PLEKHA6: variants seen among roughly 807,000 people sequenced by gnomAD.
The protein encoded by PLEKHA6 is pleckstrin homology domain-containing family A member 6.
A neutral mutation model predicts 116.7 loss-of-function variants in PLEKHA6; 60 were observed. That is an observed-to-expected ratio of 0.51 (90% CI 0.42 to 0.64). The LOEUF is 0.64. Among genes scored for constraint, PLEKHA6 ranks in the 30% least tolerant of loss-of-function variants. PLEKHA6 has a pLI of 0.00. For synonymous variants in PLEKHA6, 489 were observed against 556.1 expected, an observed-to-expected ratio of 0.88 and a Z score of 1.70; for missense variants, 1,338 against 1,422.7, an observed-to-expected ratio of 0.94 and a Z score of 0.96.
intron 1 of PLEKHA6, among the ~76,000 whole-genome samples, chr1:204,287,588 G>A (rs1197538168): frequency 1.3e-5 from 2 of 152,124 alleles, no homozygotes; most frequent in Admixed American, 6.5e-5. Context: ...CCCCCGCCAG[G>A]TTCTGTCTTA....
intron 1 of PLEKHA6, among the ~76,000 whole-genome samples, chr1:204,337,278 G>A (rs182807064): frequency 5.5e-4 from 84 of 152,272 alleles, no homozygotes; most frequent in African/African-American, 2.0e-3. Context: ...TCAGGCCAGA[G>A]AATGAGGAGA....
chr1:204,246,861 C>A (rs914854752), intron 13 of PLEKHA6, among the ~76,000 whole-genome samples: 3 of 152,228 alleles, frequency 2.0e-5, no homozygotes, highest in African/African-American at 7.2e-5. Flanking sequence ...TCCTGCTGGG[C>A]ACAGTGGCTC....
chr1:204,327,373 T>C (rs1005128708), intron 1 of PLEKHA6, among the ~76,000 whole-genome samples: 4 of 152,170 alleles, frequency 2.6e-5, no homozygotes, highest in Admixed American at 6.5e-5. Context: ...GGGTGTCTTG[T>C]GTCTCTAGTG....
In PLEKHA6 at chr1:204,257,723, G is replaced by A. The variant is rs138411516; in HGVS notation, c.1154C>T (p.Pro385Leu). ...GCGCTTGTCCTCCAGGGCCCAGGGC[G>A]GGCTGATCCGATCATAGGCCGGCAT... ...CSMPAYDRIS[P>L]PWALEDKRHA... The change falls in exon 9 of 23, where the codon CCG (proline) becomes CTG (leucine). Residue 385 changes from proline to leucine, a missense_variant. Physicochemically the swap from Pro to Leu is moderately conservative, Grantham distance 98. Coordinates refer to ENST00000272203, the MANE Select transcript of PLEKHA6 (RefSeq NM_014935.5). The surrounding 1 kb of genome is among the most constrained non-coding windows in gnomAD (Gnocchi z 6.5). 2.2e-4 allele frequency: 351 copies of A among 1,612,924 alleles called. 1 individual carries two copies. The highest frequency in any genetic ancestry group is 7.9e-5 in the Non-Finnish European group (93 of 1,179,628).
intron 1 of PLEKHA6, among the ~76,000 whole-genome samples, chr1:204,276,449 A>G (rs1290016415): frequency 6.6e-6 from 1 of 152,022 alleles, no homozygotes; most frequent in African/African-American, 2.4e-5. Flanking sequence ...CTGCCCCTAA[A>G]TCTGTCCCAT....
Position 204,295,263 on chromosome 1 carries a change from G to A in PLEKHA6, c.-94-20454C>T, listed in dbSNP as rs546675489. 1.1e-3 allele frequency among the ~76,000 whole-genome samples: 160 copies of A among 152,280 alleles called. 2 individuals carry two copies. Among genetic ancestry groups the A allele is most frequent in the Non-Finnish European group, 2.0e-3 (134 of 68,020 alleles). ...CCAGCACTTTGGGAGGCCAAGGTGG[G>A]TGGATTTCCTGAGGTCTGGAGTTCA... On this transcript the variant is annotated intron_variant, in intron 1 of 22. Coordinates refer to ENST00000272203, the MANE Select transcript of PLEKHA6 (RefSeq NM_014935.5).
At chr1:204,326,733 C>A (rs1307670415) in intron 1 of PLEKHA6, among the ~76,000 whole-genome samples, 2 of 152,180 alleles carry the variant, frequency 1.3e-5, no homozygotes, top group Non-Finnish European at 2.9e-5. Flanking sequence ...TGTAATCAAA[C>A]CCCTTTCCTT....
At chr1:204,335,304 G>C (rs188360215) in intron 1 of PLEKHA6, among the ~76,000 whole-genome samples, 1 of 152,062 alleles carries the variant, frequency 6.6e-6, no homozygotes, top group Non-Finnish European at 1.5e-5. Context: ...GGGCAGGGGG[G>C]TGTTTAGCTT....
At chr1:204,254,883 G>A (rs1343662544) in intron 9 of PLEKHA6, among the ~76,000 whole-genome samples, 1 of 152,122 alleles carries the variant, frequency 6.6e-6, no homozygotes, top group African/African-American at 2.4e-5. Context: ...TAAATACCCA[G>A]CATATTGACC....
intron 1 of PLEKHA6, among the ~76,000 whole-genome samples, chr1:204,357,014 T>C (rs1425964420): frequency 1.3e-5 from 2 of 152,218 alleles, no homozygotes; most frequent in African/African-American, 2.4e-5. Context: ...ATAGAAATGA[T>C]CATGTAAAAT....
chr1:204,282,247 G>A (rs1668704846), intron 1 of PLEKHA6, among the ~76,000 whole-genome samples: 1 of 152,182 alleles, frequency 6.6e-6, no homozygotes, highest in Non-Finnish European at 1.5e-5. Context: ...GCACGTGTGT[G>A]TGCATGAGAG....
At chr1:204,264,714 C>G (rs1315828085) in intron 6 of PLEKHA6, among the ~76,000 whole-genome samples, 1 of 152,190 alleles carries the variant, frequency 6.6e-6, no homozygotes, top group African/African-American at 2.4e-5. Context: ...CACCCAACCC[C>G]CAAGAGAGGA....
At position 204,257,320 on chromosome 1, in the gene PLEKHA6, G is replaced by A; in HGVS notation, c.1524+33C>T. 2 of 1,545,674 alleles carry A rather than the reference G, an allele frequency of 1.3e-6. 1 individual carries two copies. The highest frequency in any genetic ancestry group is 1.8e-6 in the Non-Finnish European group (2 of 1,141,128). ...GTCTTAGGCTTCTGGGGACCTCAGG[G>A]GATGAGGAAGGAAGGGCAGGCTGGT... On this transcript the variant is annotated intron_variant, in intron 9 of 22. Transcript: ENST00000272203. The surrounding 1 kb of genome is among the most constrained non-coding windows in gnomAD (Gnocchi z 6.5).
In PLEKHA6 at chr1:204,227,448, T is replaced by A. The variant is rs1487732170; in HGVS notation, c.3031+635A>T. ...CATTTTCATCTATTCTGGGATGATA[T>A]CTCAGGCTGAGTAGAAGCTGACCCT... On this transcript the variant is annotated intron_variant, in intron 21 of 22. Transcript: ENST00000272203. 2.6e-5 allele frequency among the ~76,000 whole-genome samples: 4 copies of A among 152,246 alleles called. No individual in the cohort carries two copies. In the East Asian group the frequency reaches 7.7e-4, roughly 29 times the overall value.
At chr1:204,287,329 C>A (rs2103006686) in intron 1 of PLEKHA6, among the ~76,000 whole-genome samples, 2 of 151,862 alleles carry the variant, frequency 1.3e-5, no homozygotes, top group East Asian at 3.9e-4. Context: ...CCTCCTCCTC[C>A]AAGCCAAGGA....
At chr1:204,279,017 C>T (rs1225318676) in intron 1 of PLEKHA6, among the ~76,000 whole-genome samples, 2 of 152,194 alleles carry the variant, frequency 1.3e-5, no homozygotes, top group Admixed American at 1.3e-4. Context: ...CTCGCCCCCT[C>T]ACTCAGCTTC....
chr1:204,343,727 A>G (rs1672929195), intron 1 of PLEKHA6, among the ~76,000 whole-genome samples: 1 of 152,216 alleles, frequency 6.6e-6, no homozygotes, highest in Admixed American at 6.5e-5. Context: ...CAGTGCTCCT[A>G]GTCACTGGGG....
Position 204,223,542 on chromosome 1 carries a change from C to T in PLEKHA6, c.3075G>A (p.Pro1025=), listed in dbSNP as rs138377976. 137 of 1,399,354 alleles carry T rather than the reference C, an allele frequency of 9.8e-5. No individual in the cohort carries two copies. The highest frequency in any genetic ancestry group is 2.1e-4 in the South Asian group (17 of 81,842). 86.7% of individuals were successfully genotyped at this position (1,399,354 alleles called of 1,614,324 possible). ...ACGACAGGGGGTTTGCTGGAGGAGC[C>T]GGGGAAGCAGGGGAGGTGGGAGGGC... ...TPSPPTSPAS[P]APPANPLSSE... Residue 1025 remains proline, a synonymous_variant, in exon 22 of 23, where the codon CCG becomes CCA. Transcript: ENST00000272203. The surrounding 1 kb of genome is among the most constrained non-coding windows in gnomAD (Gnocchi z 4.8).
intron 1 of PLEKHA6, among the ~76,000 whole-genome samples, chr1:204,292,194 G>C (rs1669837758): frequency 6.6e-6 from 1 of 152,210 alleles, no homozygotes; most frequent in Admixed American, 6.5e-5. Context: ...TATGACAGAA[G>C]GGAAAATATC....
Sources: allele counts gnomAD v4.1 joint callset (sites outside exome capture counted in the v4.1 genomes callset), GRCh38; gene constraint gnomAD v4.1.1; non-coding constraint Gnocchi (gnomAD v3.1); transcripts MANE v1.5; gene names NCBI Gene and HGNC (gene_info 2026-07-23, HGNC 2026-07-21).